The following DGKI variants were observed in gnomAD, a reference collection of about 807,000 sequenced individuals.
DGKI encodes DAG kinase iota.
DGKI carries 55 observed loss-of-function variants against 147.5 expected under a neutral mutation model. That is an observed-to-expected ratio of 0.37 (90% confidence interval 0.30 to 0.47). The LOEUF (loss-of-function observed/expected upper bound fraction) is 0.47. Among genes scored for constraint, DGKI ranks in the 20% least tolerant of loss-of-function variants. DGKI has a pLI of 1.00. For synonymous variants in DGKI, 469 were observed against 477.1 expected, an observed-to-expected ratio of 0.98 and a Z score of 0.22; for missense variants, 1,007 against 1,323.8, an observed-to-expected ratio of 0.76 and a Z score of 3.71.
At chr7:137,606,548 G>C (rs1384761089) in intron 10 of DGKI, among the ~76,000 whole-genome samples, 1 of 152,000 alleles carries the variant, frequency 6.6e-6, no homozygotes, top group African/African-American at 2.4e-5. Flanking sequence ...AGCATCTTAG[G>C]GCCCACCCCG....
intron 7 of DGKI, among the ~76,000 whole-genome samples, chr7:137,621,185 C>T (rs1820734882): frequency 6.6e-6 from 1 of 152,158 alleles, no homozygotes; most frequent in African/African-American, 2.4e-5. Flanking sequence ...AATAATTCTG[C>T]CTGCCACCAG....
chr7:137,678,221 C>G (rs1285176386), intron 3 of DGKI, among the ~76,000 whole-genome samples: 1 of 152,072 alleles, frequency 6.6e-6, no homozygotes, highest in African/African-American at 2.4e-5. Flanking sequence ...GGCCTTGGCC[C>G]CACACCAACA....
chr7:137,766,207 A>C (rs2116827519), intron 1 of DGKI, among the ~76,000 whole-genome samples: 1 of 152,344 alleles, frequency 6.6e-6, no homozygotes, highest in East Asian at 1.9e-4. Flanking sequence ...CGTTATTCTG[A>C]GACAAATATC....
chr7:137,838,818 G>A (rs1798464964), intron 1 of DGKI, among the ~76,000 whole-genome samples: 1 of 152,132 alleles, frequency 6.6e-6, no homozygotes, highest in East Asian at 1.9e-4. Flanking sequence ...ATAACTGATG[G>A]AACATCCCAG....
chr7:137,621,841 G>A (rs1820759104), intron 7 of DGKI, among the ~76,000 whole-genome samples: 1 of 152,108 alleles, frequency 6.6e-6, no homozygotes, highest in Admixed American at 6.5e-5. Flanking sequence ...AGCTGCACAG[G>A]GCAGGAGCAG....
chr7:137,593,492 G>A (rs1237029923), intron 12 of DGKI, among the ~76,000 whole-genome samples: 1 of 152,184 alleles, frequency 6.6e-6, no homozygotes, highest in Non-Finnish European at 1.5e-5. Flanking sequence ...CTGAAAATGG[G>A]ATCAGACCAT....
chr7:137,410,108 T>C (rs556043021), intron 29 of DGKI, among the ~76,000 whole-genome samples: 4 of 152,220 alleles, frequency 2.6e-5, no homozygotes, highest in African/African-American at 9.6e-5. Flanking sequence ...CATCTCTCAG[T>C]AAATAAGGTG....
At chr7:137,637,963 C>T (rs1821371885) in intron 6 of DGKI, among the ~76,000 whole-genome samples, 1 of 151,914 alleles carries the variant, frequency 6.6e-6, no homozygotes, top group African/African-American at 2.4e-5. Flanking sequence ...CCGTCATAAG[C>T]GGATTGAAGA....
intron 19 of DGKI, among the ~76,000 whole-genome samples, chr7:137,556,511 G>C (rs1192473693): frequency 6.6e-6 from 1 of 152,054 alleles, no homozygotes; most frequent in East Asian, 1.9e-4. Flanking sequence ...AAAGATGGCT[G>C]ATACACTGTT....
intron 21 of DGKI, among the ~76,000 whole-genome samples, chr7:137,505,763 C>G (rs1283114259): frequency 2.8e-5 from 4 of 140,492 alleles, no homozygotes; most frequent in African/African-American, 1.1e-4. Flanking sequence ...ATTCTTAAAA[C>G]CCAACAATAA....
In DGKI at chr7:137,663,537, G is replaced by A. The variant is rs183860096; in HGVS notation, c.607-6997C>T. Among the ~76,000 whole-genome samples, 115 of 152,304 alleles carry A rather than the reference G, an allele frequency of 7.6e-4. 1 individual carries two copies. The highest frequency in any genetic ancestry group is 2.5e-3 in the African/African-American group (104 of 41,558). On this transcript the variant is annotated intron_variant, in intron 3 of 32. Transcript: ENST00000614521. ...AGACCTGCTTTGGCATGTCCACTGC[G>A]GGACAATTCCTGGGCTCCTGGGTGT...
intron 8 of DGKI, among the ~76,000 whole-genome samples, chr7:137,610,286 G>C (rs1356536753): frequency 6.6e-6 from 1 of 152,020 alleles, no homozygotes; most frequent in Non-Finnish European, 1.5e-5. Context: ...CCCTCCCCTG[G>C]TAGCCTTGAT....
At chr7:137,783,020 C>T (rs1179814072) in intron 1 of DGKI, among the ~76,000 whole-genome samples, 1 of 152,224 alleles carries the variant, frequency 6.6e-6, no homozygotes, top group East Asian at 1.9e-4. Context: ...CATAGTCTAC[C>T]CAAATGAGAA....
intron 1 of DGKI, among the ~76,000 whole-genome samples, chr7:137,793,949 T>A (rs1356741052): frequency 6.6e-6 from 1 of 152,238 alleles, no homozygotes; most frequent in Non-Finnish European, 1.5e-5. Context: ...GTCACCATCA[T>A]CTAGCCATAT....
intron 1 of DGKI, among the ~76,000 whole-genome samples, chr7:137,746,675 C>A (rs1439570467): frequency 6.6e-6 from 1 of 152,060 alleles, no homozygotes; most frequent in Non-Finnish European, 1.5e-5. Context: ...AAAGATGGAA[C>A]CGAGCTAAGA....
intron 21 of DGKI, among the ~76,000 whole-genome samples, chr7:137,505,248 T>C (rs1304837279): frequency 6.6e-6 from 1 of 152,126 alleles, no homozygotes; most frequent in East Asian, 1.9e-4. Context: ...AGAAGGAAGC[T>C]GGTTGTCCCA....
At position 137,552,391 on chromosome 7, in the gene DGKI, T is replaced by A; in HGVS notation, c.2125A>T (p.Thr709Ser). ...CACTCATTGAGTAAAGGCATGGATG[T>A]TCTCCTCTTGCTCTTCTGTACCATG... ...ANMVQKSKRR[T>S]SMPLLNDPQS... The change falls in exon 20 of 33, where the codon ACA becomes TCA. Residue 709 changes from threonine (T) to serine (S), a missense_variant. Transcript: ENST00000614521. 1 of 1,613,488 alleles carries A rather than the reference T, an allele frequency of 6.2e-7. No individual in the cohort carries two copies. Among genetic ancestry groups the A allele is most frequent in the East Asian group, 2.2e-5 (1 of 44,884 alleles).
At position 137,587,218 on chromosome 7, in the gene DGKI, C is replaced by T. The variant is rs372145605; in HGVS notation, c.1312-8G>A. ...GGAAAGGATCCAGCCCACCTACAGG[C>T]GTATCGGGGGCCAGAAGAGATATAA... On this transcript the variant is annotated splice_region_variant and splice_polypyrimidine_tract_variant and intron_variant, in intron 12 of 32. Transcript: ENST00000614521. 2.2e-5 allele frequency: 35 copies of T among 1,599,016 alleles called. No homozygotes were observed. Among genetic ancestry groups the T allele is most frequent in the East Asian group, 1.6e-4 (7 of 44,516 alleles).
Position 137,596,631 on chromosome 7 carries a change from T to C in DGKI, c.1311+1216A>G, listed in dbSNP as rs145759345. Among the ~76,000 whole-genome samples the C allele has an allele frequency of 1.4e-3, 217 of 152,342 alleles. 1 individual carries two copies. Among genetic ancestry groups the C allele is most frequent in the Non-Finnish European group, 2.2e-3 (151 of 68,022 alleles). On this transcript the variant is annotated intron_variant, in intron 12 of 32. Transcript: ENST00000614521. ...TTGGCTTCTTTGCTGTAAGACATTA[T>C]AATGAATTTTATAAACTAATAATGT... is the stretch of plus-strand genomic sequence containing the variant.
Sources: gnomAD v4.1 joint callset for allele counts (sites outside exome capture counted in the v4.1 genomes callset) on GRCh38, gnomAD v4.1.1 for gene constraint, MANE v1.5 for transcripts, NCBI Gene and HGNC (gene_info 2026-07-23, HGNC 2026-07-21) for gene names.